The following CWF19L2 variants were observed in gnomAD, a reference collection of about 807,000 sequenced individuals.
CWF19L2 encodes the protein CWF19 like cell cycle control factor 2.
Under a neutral mutation model 111.7 loss-of-function variants are expected in CWF19L2, and 98 were observed. The observed-to-expected ratio is 0.88, with a 90% CI of 0.75 to 1.04. The LOEUF (loss-of-function observed/expected upper bound fraction) is 1.04, where lower values mean the gene tolerates loss of function less well. Among genes scored for constraint, CWF19L2 ranks in the 50% least tolerant of loss-of-function variants. The pLI, the probability that CWF19L2 is intolerant of heterozygous loss-of-function variation, is 0.00. For missense variants in CWF19L2, 1,101 were observed against 1,051.4 expected, an observed-to-expected ratio of 1.05 and a Z score of -0.65; for synonymous variants, 351 against 342.9, an observed-to-expected ratio of 1.02 and a Z score of -0.26.
At chr11:107,407,100 T>C (rs930110113) in intron 10 of CWF19L2, among the ~76,000 whole-genome samples, 1 of 152,110 alleles carries the variant, frequency 6.6e-6, no homozygotes, top group African/African-American at 2.4e-5. Context: ...ATTTTTTCTC[T>C]TCCTCATCAA....
chr11:107,446,694 A>G lies in CWF19L2; in HGVS notation c.340-3645T>C, dbSNP rs537595213. On this transcript the variant is annotated intron_variant, in intron 3 of 17. Transcript: ENST00000282251. ...TGTCTAGAACAGTGTCTGGCAAAGA[A>G]TAAGCATTTGATAAATGCAAGCTGA... Among the ~76,000 whole-genome samples, 6 of 152,334 alleles carry G rather than the reference A, an allele frequency of 3.9e-5. No homozygotes were observed. The East Asian group carries it at 1.2e-3, about 29-fold the overall frequency.
intron 12 of CWF19L2, among the ~76,000 whole-genome samples, chr11:107,364,420 G>C (rs201370359): frequency 0.35 from 50,971 of 146,788 alleles, 12,235 homozygotes; most frequent in African/African-American, 0.59. Flanking sequence ...CACATACTTG[G>C]AAGTAAAGCT....
rs1452393698 is a variant in CWF19L2 at position 107,371,929 on chromosome 11, T to C, written c.1872+18145A>G. Among the ~76,000 whole-genome samples, 6 of 137,558 alleles carry C rather than the reference T, an allele frequency of 4.4e-5. 1 individual carries two copies. Among genetic ancestry groups the C allele is most frequent in the Non-Finnish European group, 1.6e-5 (1 of 64,316 alleles). The allele number at this position is 137,558 out of a possible 152,430, so 90.2% of individuals were successfully genotyped here. On this transcript the variant is annotated intron_variant, in intron 12 of 17. Transcript: ENST00000282251. ...AGACATCATTTTATTCATCATCCTT[T>C]TTTGTGCTTGTTTTTTAAATATTAT...
intron 17 of CWF19L2, 99 bp downstream of exon 17, chr11:107,329,819 A>G (rs1413155800): frequency 1.1e-5 from 9 of 813,270 alleles, no homozygotes; most frequent in South Asian, 1.9e-5. Flanking sequence ...AGTACTCACC[A>G]ATTTCTTTGT....
Position 107,373,964 on chromosome 11 carries a change from G to A in CWF19L2, c.1872+16110C>T, listed in dbSNP as rs1264181421. ...CTGAAAACCAAGGCTCGAGAACTAC[G>A]TGAAGAATGCAGAAGCCTCAGGAGC... On this transcript the variant is annotated intron_variant, in intron 12 of 17. Coordinates refer to ENST00000282251, the MANE Select transcript of CWF19L2 (RefSeq NM_152434.3). 1.0e-4 allele frequency among the ~76,000 whole-genome samples: 14 copies of A among 136,102 alleles called. 1 individual carries two copies. The highest frequency in any genetic ancestry group is 7.9e-4 in the Admixed American group (11 of 13,968). The allele number at this position is 136,102 out of a possible 152,430, so 89.3% of individuals were successfully genotyped here. A position where few individuals can be genotyped will look rare whatever the true frequency, so the allele number is the denominator to read the frequency against.
At chr11:107,387,701 G>A (rs1860790897) in intron 12 of CWF19L2, among the ~76,000 whole-genome samples, 1 of 152,084 alleles carries the variant, frequency 6.6e-6, no homozygotes, top group African/African-American at 2.4e-5. Context: ...TTGTAAGGGG[G>A]TGTGTAACCT....
intron 10 of CWF19L2, among the ~76,000 whole-genome samples, chr11:107,396,263 T>C (rs779525054): frequency 7.9e-5 from 12 of 152,252 alleles, no homozygotes; most frequent in Non-Finnish European, 1.2e-4. Flanking sequence ...TTATAAACTC[T>C]TTCCATTTTC....
intron 10 of CWF19L2, among the ~76,000 whole-genome samples, chr11:107,409,594 T>C (rs562561066): frequency 2.6e-5 from 4 of 152,242 alleles, no homozygotes; most frequent in Admixed American, 6.5e-5. Context: ...GAAGGATTAT[T>C]AACAGGCACA....
intron 14 of CWF19L2, among the ~76,000 whole-genome samples, chr11:107,339,738 T>C (rs1288095412): frequency 2.0e-5 from 3 of 146,798 alleles, no homozygotes; most frequent in Non-Finnish European, 3.0e-5. Context: ...CGATCTCAAC[T>C]CCCTGAAGAC....
At chr11:107,347,047 A>G (rs1860090709) in intron 14 of CWF19L2, among the ~76,000 whole-genome samples, 1 of 152,186 alleles carries the variant, frequency 6.6e-6, no homozygotes, top group African/African-American at 2.4e-5. Flanking sequence ...AAATGGGCTT[A>G]CAGTGTTTGC....
chr11:107,351,927 T>TA (rs1317759254), intron 13 of CWF19L2, among the ~76,000 whole-genome samples: 1 of 152,208 alleles, frequency 6.6e-6, no homozygotes, highest in East Asian at 1.9e-4. Flanking sequence ...AATGCTGTCT[T>TA]AAGCCACTAA....
At chr11:107,446,714 A>G (rs556439786) in intron 3 of CWF19L2, among the ~76,000 whole-genome samples, 1 of 152,338 alleles carries the variant, frequency 6.6e-6, no homozygotes, top group South Asian at 2.1e-4. Context: ...GATAAATGCA[A>G]GCTGAAATTA....
At chr11:107,398,420 T>C (rs1860953994) in intron 10 of CWF19L2, among the ~76,000 whole-genome samples, 2 of 151,962 alleles carry the variant, frequency 1.3e-5, no homozygotes, top group Admixed American at 6.6e-5. Flanking sequence ...ATTGAACAAG[T>C]AGAAAAAAGA....
intron 7 of CWF19L2, 94 bp from the exon 8 acceptor site, chr11:107,429,545 G>A (rs1405514532): frequency 2.0e-6 from 2 of 976,570 alleles, no homozygotes; most frequent in Admixed American, 6.0e-5. Flanking sequence ...CTGCCAAGTG[G>A]CACACTGAAA....
intron 3 of CWF19L2, among the ~76,000 whole-genome samples, chr11:107,453,246 A>T (rs1861803466): frequency 6.6e-6 from 1 of 152,150 alleles, no homozygotes; most frequent in South Asian, 2.1e-4. Context: ...TGACAATACC[A>T]AGTACTAGCA....
intron 6 of CWF19L2, among the ~76,000 whole-genome samples, chr11:107,435,693 G>A (rs1307325701): frequency 2.0e-5 from 3 of 151,712 alleles, no homozygotes; most frequent in Non-Finnish European, 4.4e-5. Context: ...CTTATAATTA[G>A]AGATGGCAAT....
At chr11:107,379,994 C>A (rs1056225414) in intron 12 of CWF19L2, among the ~76,000 whole-genome samples, 1 of 124,992 alleles carries the variant, frequency 8.0e-6, no homozygotes, top group African/African-American at 3.1e-5. Context: ...TTGCAGTGAG[C>A]TGAGATCGTA....
At chr11:107,330,138 A>C in intron 16 of CWF19L2, 119 bp from the exon 17 acceptor site, 1 of 515,260 alleles carries the variant, frequency 1.9e-6, no homozygotes. Flanking sequence ...CAAATGTATA[A>C]AATGAATTTC....
intron 17 of CWF19L2, 66 bp from the exon 18 acceptor site, chr11:107,327,119 T>C: frequency 2.9e-6 from 4 of 1,389,850 alleles, no homozygotes; most frequent in East Asian, 2.5e-5. Flanking sequence ...AATGAAACTA[T>C]TTCTGTTTAT....
Sources: gnomAD v4.1 joint callset for allele counts (sites outside exome capture counted in the v4.1 genomes callset) on GRCh38, gnomAD v4.1.1 for gene constraint, MANE v1.5 for transcripts, NCBI Gene and HGNC (gene_info 2026-07-23, HGNC 2026-07-21) for gene names.